The following CAMSAP2 variants were observed in gnomAD, a reference collection of about 807,000 sequenced individuals.
CAMSAP2 encodes calmodulin-regulated spectrin-associated protein 2.
In CAMSAP2, 26 loss-of-function variants were observed where a neutral mutation model predicts 146.1. The observed-to-expected ratio is 0.18, with a 90% CI of 0.13 to 0.25. The LOEUF (loss-of-function observed/expected upper bound fraction) is 0.25, where lower values mean the gene tolerates loss of function less well. Ranked by LOEUF, CAMSAP2 falls within the 10% of genes least tolerant of loss-of-function variation. The pLI is 1.00. For missense variants in CAMSAP2, 1,381 were observed against 1,759.3 expected (o/e 0.78, Z 3.85); for synonymous variants, 499 against 596.6 (o/e 0.84, Z 2.38).
At chr1:200,829,663 C>T (rs1016924119) in intron 4 of CAMSAP2, among the ~76,000 whole-genome samples, 1 of 151,912 alleles carries the variant, frequency 6.6e-6, no homozygotes, top group Admixed American at 6.6e-5. Context: ...TGCGGTGGCT[C>T]ACGCGCATAA....
intron 3 of CAMSAP2, among the ~76,000 whole-genome samples, chr1:200,812,260 G>A (rs981874421): frequency 2.6e-5 from 4 of 151,952 alleles, no homozygotes; most frequent in Non-Finnish European, 5.9e-5. Flanking sequence ...CACAGTGTTT[G>A]ACAAAGAGAT....
chr1:200,801,568 C>T (rs773141853), intron 2 of CAMSAP2, among the ~76,000 whole-genome samples: 1 of 152,162 alleles, frequency 6.6e-6, no homozygotes, highest in Non-Finnish European at 1.5e-5. Flanking sequence ...TCAGGTGTAC[C>T]GATCAAACGT....
At position 200,844,782 on chromosome 1, in the gene CAMSAP2, C is replaced by T; in HGVS notation, c.1022C>T (p.Ala341Val). 1.3e-6 allele frequency: 2 copies of T among 1,563,032 alleles called. No individual in the cohort carries two copies. The highest frequency in any genetic ancestry group is 2.4e-5 in the South Asian group (2 of 82,314). Residue 341 changes from alanine (A) to valine (V), a missense_variant and splice_region_variant, in exon 8 of 17, where the codon GCT becomes GTT. Physicochemically the swap from Ala to Val is moderately conservative, Grantham distance 64. Around this residue, in one of 4 missense-constraint regions of CAMSAP2, gnomAD observed 447 missense variants for 462.2 expected, o/e 0.97. Coordinates refer to ENST00000358823, the MANE Select transcript of CAMSAP2 (RefSeq NM_203459.4). ...TGTTTTTAAAAATCTTTTATTCCAG[C>T]TGAACCTGTAAAAGATATGCCTTCA... ...VQPRVVRPQG[A>V]EPVKDMPSIP...
intron 2 of CAMSAP2, among the ~76,000 whole-genome samples, chr1:200,764,991 C>G (rs906421526): frequency 1.8e-4 from 28 of 151,932 alleles, no homozygotes; most frequent in African/African-American, 6.8e-4. Flanking sequence ...GTAATCCCAG[C>G]TACATGGGAG....
intron 1 of CAMSAP2, among the ~76,000 whole-genome samples, chr1:200,754,183 G>T (rs1164516553): frequency 6.6e-6 from 1 of 152,138 alleles, no homozygotes; most frequent in Non-Finnish European, 1.5e-5. Flanking sequence ...TTATTTTATA[G>T]AATGTCTCTA....
At chr1:200,847,390 T>TG in intron 9 of CAMSAP2, 98 bp downstream of exon 9, 17 of 844,616 alleles carry the variant, frequency 2.0e-5, no homozygotes, top group South Asian at 5.1e-5. Context: ...CCAGGGTTTT[T>TG]TTGTGTGTGT....
intron 15 of CAMSAP2, among the ~76,000 whole-genome samples, chr1:200,856,606 A>C (rs534772139): frequency 6.4e-4 from 98 of 152,330 alleles, no homozygotes; most frequent in African/African-American, 2.2e-3. Flanking sequence ...TGAAGAATAG[A>C]ATGTGGGTTA....
intron 1 of CAMSAP2, 77 bp downstream of exon 1, chr1:200,740,043 A>C: frequency 6.7e-7 from 1 of 1,501,988 alleles, no homozygotes; most frequent in Non-Finnish European, 9.2e-7. Context: ...CGATTCTCGA[A>C]TCCCTCCCTC....
At chr1:200,814,609 C>CAAAAAA (rs1204730822) in intron 3 of CAMSAP2, among the ~76,000 whole-genome samples, 2 of 24,124 alleles carry the variant, frequency 8.3e-5, no homozygotes, top group Admixed American at 7.3e-4. Context: ...GATTGCATCC[C>CAAAAAA]AAAAAAAAAA....
At position 200,832,790 on chromosome 1, in the gene CAMSAP2, A is replaced by G. The variant is rs763801333; in HGVS notation, c.872A>G (p.Asn291Ser). ...CAAGAATTTTGCCAAGAATACTTGA[A>G]CCAGTGTTGCCATTTCACTCTGGAA... ...LIQEFCQEYL[N>S]QCCHFTLEDM... Residue 291 changes from asparagine (N) to serine (S), a missense_variant, in exon 6 of 17, where the codon AAC becomes AGC. Asn to Ser is a conservative substitution (Grantham distance 46). Around this residue, in one of 4 missense-constraint regions of CAMSAP2, gnomAD observed 284 missense variants for 406.9 expected, o/e 0.70. Coordinates refer to ENST00000358823, the MANE Select transcript of CAMSAP2 (RefSeq NM_203459.4). The surrounding 1 kb of genome is among the most constrained non-coding windows in gnomAD (Gnocchi z 4.2). 1.2e-6 allele frequency: 2 copies of G among 1,610,880 alleles called. No individual in the cohort carries two copies. The highest frequency in any genetic ancestry group is 4.5e-5 in the East Asian group (2 of 44,636).
At chr1:200,740,628 T>G (rs1373687900) in intron 1 of CAMSAP2, among the ~76,000 whole-genome samples, 1 of 152,224 alleles carries the variant, frequency 6.6e-6, no homozygotes, top group Non-Finnish European at 1.5e-5. Flanking sequence ...GTATTTTGGC[T>G]TCATAAATTA....
chr1:200,799,551 T>C (rs1371621486), intron 2 of CAMSAP2, among the ~76,000 whole-genome samples: 5 of 152,220 alleles, frequency 3.3e-5, no homozygotes, highest in African/African-American at 1.2e-4. Context: ...ATCTATTTGA[T>C]TCTTCTCTCT....
chr1:200,844,339 A>G (rs1480367092), intron 7 of CAMSAP2, among the ~76,000 whole-genome samples: 2 of 151,778 alleles, frequency 1.3e-5, no homozygotes, highest in African/African-American at 4.8e-5. Flanking sequence ...CACAAGGTCA[A>G]GAGTTCGAGA....
At chr1:200,817,464 G>A (rs957043619) in intron 4 of CAMSAP2, among the ~76,000 whole-genome samples, 2 of 151,986 alleles carry the variant, frequency 1.3e-5, no homozygotes, top group Non-Finnish European at 2.9e-5. Context: ...TATATCTTAC[G>A]TCTTTTAAAA....
In CAMSAP2 at chr1:200,859,182, T is replaced by C. The variant is rs1667822316; in HGVS notation, c.*1123T>C. 1 of 152,642 alleles carries C rather than the reference T, an allele frequency of 6.6e-6. No individual in the cohort carries two copies. The highest frequency in any genetic ancestry group is 6.5e-5 in the Admixed American group (1 of 15,280). The allele number at this position is 152,642 out of a possible 1,614,324, so 9.5% of individuals were successfully genotyped here. A position where few individuals can be genotyped will look rare whatever the true frequency, so the allele number is the denominator to read the frequency against. ...TCTCCTCTACATGATCTTTGTTCTTTAACAGTGTATACCAGAGGGTTAGTT... is the reference window on the plus strand; with the variant it reads ...TCTCCTCTACATGATCTTTGTTCTTCAACAGTGTATACCAGAGGGTTAGTT... On this transcript the variant is annotated 3_prime_UTR_variant, in exon 17 of 17. Coordinates refer to ENST00000358823, the MANE Select transcript of CAMSAP2 (RefSeq NM_203459.4).
chr1:200,768,661 T>C (rs1489771837), intron 2 of CAMSAP2, among the ~76,000 whole-genome samples: 1 of 151,932 alleles, frequency 6.6e-6, no homozygotes, highest in Non-Finnish European at 1.5e-5. Context: ...TTTTTTTTGT[T>C]GTTGTTGTTT....
Position 200,832,061 on chromosome 1 carries a change from GAAAA to G in CAMSAP2, c.646-135_646-132del, listed in dbSNP as rs1405192473. On this transcript the variant is annotated intron_variant, in intron 4 of 16. Coordinates refer to ENST00000358823, the MANE Select transcript of CAMSAP2 (RefSeq NM_203459.4). The surrounding 1 kb of genome is among the most constrained non-coding windows in gnomAD (Gnocchi z 4.2). ...CTTTGGTAATACCTAGCGTTATTTA[GAAAA>G]AAAGAAATATTGGTGAGTGGTCTCA... 1.4e-6 allele frequency: 1 copy of G among 691,514 alleles called. No individual in the cohort carries two copies. Among genetic ancestry groups the G allele is most frequent in the Non-Finnish European group, 2.3e-6 (1 of 431,736 alleles). 42.8% of individuals were successfully genotyped at this position (691,514 alleles called of 1,614,324 possible). A position where few individuals can be genotyped will look rare whatever the true frequency, so the allele number is the denominator to read the frequency against.
rs1189395559 is a variant in CAMSAP2, at chr1:200,847,662, T to A, written c.1215T>A (p.Ser405=). Residue 405 remains serine (S), a synonymous_variant, in exon 10 of 17, where the codon TCT becomes TCA. Coordinates refer to ENST00000358823, the MANE Select transcript of CAMSAP2 (RefSeq NM_203459.4). ...AAGGAGGAATTAGAAGGTCTTCATC[T>A]ATGTCTTATGTTGATGGCTTCATAG... ...SASGGIRRSS[S]MSYVDGFIGT... 1.2e-5 allele frequency: 20 copies of A among 1,612,424 alleles called. No homozygotes were observed. Among genetic ancestry groups the A allele is most frequent in the African/African-American group, 2.7e-5 (2 of 74,974 alleles).
At chr1:200,810,689 G>C (rs1178934582) in intron 3 of CAMSAP2, among the ~76,000 whole-genome samples, 3 of 151,492 alleles carry the variant, frequency 2.0e-5, no homozygotes, top group Non-Finnish European at 4.4e-5. Flanking sequence ...AGGAGTCGGA[G>C]ACCAGCCTGA....
Sources: gnomAD v4.1 joint callset for allele counts (sites outside exome capture counted in the v4.1 genomes callset) on GRCh38, gnomAD v4.1.1 for gene constraint, gnomAD v4.1.1 regional missense constraint, Gnocchi (gnomAD v3.1) non-coding constraint, MANE v1.5 for transcripts, NCBI Gene and HGNC (gene_info 2026-07-23, HGNC 2026-07-21) for gene names.